Variants in ADD2 observed in about 807,000 individuals in gnomAD.
ADD2 encodes beta-adducin.
In ADD2, 23 loss-of-function variants were observed where a neutral mutation model predicts 83.0. The ratio of observed to expected loss-of-function variants is 0.28; its 90% CI spans 0.20 to 0.39. The LOEUF is 0.39. ADD2 is among the 10% of genes least tolerant of loss of function. ADD2 has a pLI of 1.00. For missense variants in ADD2, 758 were observed against 944.9 expected (o/e 0.80, Z 2.59); for synonymous variants, 375 against 375.4 (o/e 1.00, Z 0.01).
At chr2:70,761,044 G>A (rs1553384789) in intron 1 of ADD2, among the ~76,000 whole-genome samples, 1 of 152,068 alleles carries the variant, frequency 6.6e-6, no homozygotes, top group Non-Finnish European at 1.5e-5. Context: ...AAGAACTACC[G>A]GAATATACTA....
At chr2:70,689,818 A>C (rs556367594) in intron 8 of ADD2, among the ~76,000 whole-genome samples, 1 of 152,362 alleles carries the variant, frequency 6.6e-6, no homozygotes, top group South Asian at 2.1e-4. Context: ...GTCAAGCAAC[A>C]ACAAGATTCC....
chr2:70,752,530 T>C (rs1553383109), intron 1 of ADD2, among the ~76,000 whole-genome samples: 1 of 152,126 alleles, frequency 6.6e-6, no homozygotes, highest in Non-Finnish European at 1.5e-5. Flanking sequence ...AGTAGAAAGA[T>C]TTGGGATATG....
chr2:70,707,985 G>A (rs1182612047), intron 2 of ADD2, among the ~76,000 whole-genome samples: 1 of 152,194 alleles, frequency 6.6e-6, no homozygotes, highest in African/African-American at 2.4e-5. Context: ...CCTTGATTCT[G>A]GTCAGAAGCT....
intron 10 of ADD2, among the ~76,000 whole-genome samples, chr2:70,682,428 A>C (rs987951946): frequency 6.6e-6 from 1 of 152,216 alleles, no homozygotes; most frequent in African/African-American, 2.4e-5. Context: ...TCATTATTAT[A>C]AAGCGGCCCT....
chr2:70,677,756 A>G lies in ADD2; in HGVS notation c.1503+2T>C, dbSNP rs1670240737. The stretch of plus-strand genomic sequence containing the variant: ...AGAGTGGGATAAACAGACCCCACTT[A>G]CCTTGTTCCTCATCTCCAGTACTTC... On this transcript the variant is annotated splice_donor_variant, in intron 12 of 15. Coordinates refer to ENST00000264436, the MANE Select transcript of ADD2 (RefSeq NM_001617.4). LOFTEE classifies it high-confidence loss of function. 1 of 1,613,980 alleles carries G rather than the reference A, an allele frequency of 6.2e-7. No homozygotes were observed.
chr2:70,700,570 A>G (rs1671540106), intron 4 of ADD2, among the ~76,000 whole-genome samples: 1 of 152,136 alleles, frequency 6.6e-6, no homozygotes, highest in Admixed American at 6.5e-5. Context: ...AAAGTTATGG[A>G]AAAGGATTAA....
rs985630943 is a variant in ADD2, at chr2:70,658,105, C to T, written c.*5320G>A. On this transcript the variant is annotated 3_prime_UTR_variant, in exon 16 of 16. Transcript: ENST00000264436. ...CATTGTTTCTGTATACATAAGAACA[C>T]TCCCAGCTGGAGATTCTTCCTAATT... 1.3e-5 allele frequency: 2 copies of T among 152,176 alleles called. No individual in the cohort carries two copies. The highest frequency in any genetic ancestry group is 2.9e-5 in the Non-Finnish European group (2 of 68,030). The allele number at this position is 152,176 out of a possible 1,614,324, so 9.4% of individuals were successfully genotyped here. A position where few individuals can be genotyped will look rare whatever the true frequency, so the allele number is the denominator to read the frequency against.
At position 70,765,690 on chromosome 2, in the gene ADD2, C is replaced by A. The variant is rs533257153; in HGVS notation, c.-154+2196G>T. Among the ~76,000 whole-genome samples, 4 of 152,278 alleles carry A rather than the reference C, an allele frequency of 2.6e-5. No homozygotes were observed. The South Asian group carries it at 8.3e-4, about 32-fold the overall frequency. On this transcript the variant is annotated intron_variant, in intron 1 of 15. Transcript: ENST00000264436. Reference sequence around the variant, plus strand: ...ATATAAGCCATGGGTTCGTCAATTTCTTTTTTGCTTATGCTGCAAGAAAGT... The same window carrying A: ...ATATAAGCCATGGGTTCGTCAATTTATTTTTTGCTTATGCTGCAAGAAAGT...
chr2:70,675,416 C>T (rs1003855409), intron 13 of ADD2: 4 of 985,534 alleles, frequency 4.1e-6, no homozygotes, highest in African/African-American at 1.7e-5. Context: ...CCTGCCTGTA[C>T]CGCAGGTCCC....
intron 15 of ADD2, among the ~76,000 whole-genome samples, chr2:70,668,286 A>G (rs1669749404): frequency 6.6e-6 from 1 of 152,100 alleles, no homozygotes; most frequent in South Asian, 2.1e-4. Flanking sequence ...CCTTCCAGGA[A>G]TGCCAGCTCC....
chr2:70,740,896 C>T (rs1409075336), intron 1 of ADD2, among the ~76,000 whole-genome samples: 1 of 152,120 alleles, frequency 6.6e-6, no homozygotes, highest in Non-Finnish European at 1.5e-5. Context: ...GACGGGGTTT[C>T]ACCATGTTGG....
intron 14 of ADD2, chr2:70,673,409 C>G (rs2104206959): frequency 8.5e-7 from 1 of 1,173,014 alleles, no homozygotes; most frequent in East Asian, 2.4e-5. Flanking sequence ...CCACCAACTC[C>G]CCTTATTTTA....
intron 8 of ADD2, 135 bp from the exon 9 acceptor site, chr2:70,688,257 T>C (rs1292542472): frequency 5.3e-5 from 33 of 625,312 alleles, no homozygotes; most frequent in Non-Finnish European, 8.3e-5. Flanking sequence ...TTATGTTCTC[T>C]AATCAAATAC....
chr2:70,727,295 C>T (rs1203529076), intron 1 of ADD2, among the ~76,000 whole-genome samples: 3 of 152,118 alleles, frequency 2.0e-5, no homozygotes, highest in African/African-American at 7.2e-5. Context: ...ATACCAGCCC[C>T]AACACTCCCC....
chr2:70,761,810 T>C (rs1675118940), intron 1 of ADD2, among the ~76,000 whole-genome samples: 1 of 150,590 alleles, frequency 6.6e-6, no homozygotes, highest in Admixed American at 6.6e-5. Flanking sequence ...TAGCTGGGAC[T>C]ACAGGTGCCC....
At chr2:70,730,606 G>A (rs1673232683) in intron 1 of ADD2, among the ~76,000 whole-genome samples, 1 of 152,234 alleles carries the variant, frequency 6.6e-6, no homozygotes, top group Non-Finnish European at 1.5e-5. Flanking sequence ...TTTGCCTGAA[G>A]TTCAATCATT....
At chr2:70,704,750 A>G (rs1404746927) in intron 3 of ADD2, among the ~76,000 whole-genome samples, 1 of 152,168 alleles carries the variant, frequency 6.6e-6, no homozygotes, top group African/African-American at 2.4e-5. Context: ...CCTCCCCACC[A>G]TCAGACATGG....
chr2:70,765,178 C>T (rs1463395055), intron 1 of ADD2, among the ~76,000 whole-genome samples: 4 of 151,958 alleles, frequency 2.6e-5, no homozygotes, highest in Non-Finnish European at 5.9e-5. Context: ...CATGGCGAAA[C>T]CCCGTCTCTA....
At chr2:70,725,677 C>T (rs370350636) in intron 1 of ADD2, among the ~76,000 whole-genome samples, 2 of 152,072 alleles carry the variant, frequency 1.3e-5, no homozygotes, top group East Asian at 1.9e-4. Context: ...GGGAGACGCA[C>T]GGAAGCATTC....
Sources: allele counts gnomAD v4.1 joint callset (sites outside exome capture counted in the v4.1 genomes callset), GRCh38; gene constraint gnomAD v4.1.1; transcripts MANE v1.5; gene names NCBI Gene and HGNC (gene_info 2026-07-23, HGNC 2026-07-21).